The following CLEC16A variants were observed in gnomAD, a reference collection of about 807,000 sequenced individuals.
CLEC16A encodes C-type lectin domain containing 16A.
CLEC16A carries 51 observed loss-of-function variants against 109.5 expected under a neutral mutation model. The ratio of observed to expected loss-of-function variants is 0.47; its 90% CI spans 0.37 to 0.59. The LOEUF (loss-of-function observed/expected upper bound fraction) is 0.59. CLEC16A is among the 20% of genes least tolerant of loss of function. CLEC16A has a pLI of 0.00. For missense variants in CLEC16A, 1,339 were observed against 1,394.0 expected, an observed-to-expected ratio of 0.96 and a Z score of 0.63; for synonymous variants, 673 against 564.2, an observed-to-expected ratio of 1.19 and a Z score of -2.73.
chr16:11,143,860 C>T (rs1237223313), intron 22 of CLEC16A, among the ~76,000 whole-genome samples: 1 of 152,190 alleles, frequency 6.6e-6, no homozygotes, highest in Non-Finnish European at 1.5e-5. Context: ...TGGAGTTGCA[C>T]AGCTAGTGCA....
At chr16:10,955,402 G>T (rs1435314446) in intron 1 of CLEC16A, among the ~76,000 whole-genome samples, 1 of 152,194 alleles carries the variant, frequency 6.6e-6, no homozygotes, top group East Asian at 1.9e-4. Flanking sequence ...ATGGGAGGCA[G>T]ATCTTTGCAA....
intron 20 of CLEC16A, among the ~76,000 whole-genome samples, chr16:11,122,046 G>A (rs1433200293): frequency 1.3e-5 from 2 of 152,104 alleles, no homozygotes; most frequent in African/African-American, 2.4e-5. Context: ...CTTCAGGCCT[G>A]AACTTTGCCC....
chr16:11,064,647 G>C (rs1215653817), intron 19 of CLEC16A, among the ~76,000 whole-genome samples: 2 of 152,164 alleles, frequency 1.3e-5, no homozygotes, highest in African/African-American at 4.8e-5. Context: ...TGTGGTGGCA[G>C]ATACCTGTAG....
chr16:11,022,289 C>G (rs1206504712), intron 12 of CLEC16A, among the ~76,000 whole-genome samples: 2 of 150,974 alleles, frequency 1.3e-5, no homozygotes, highest in Admixed American at 1.3e-4. Context: ...TCTGTCCCCC[C>G]AACTTGAGCA....
chr16:11,148,168 G>T (rs974003963), intron 22 of CLEC16A, among the ~76,000 whole-genome samples: 1 of 152,222 alleles, frequency 6.6e-6, no homozygotes, highest in African/African-American at 2.4e-5. Flanking sequence ...GCGGTGAGTA[G>T]TTCGTGTTGT....
At chr16:11,175,512 A>C (rs963810821) in intron 23 of CLEC16A, among the ~76,000 whole-genome samples, 1 of 152,154 alleles carries the variant, frequency 6.6e-6, no homozygotes, top group African/African-American at 2.4e-5. Context: ...TCACTGGGTA[A>C]TTTTCCCCCC....
intron 13 of CLEC16A, chr16:11,026,937 A>G: frequency 8.8e-7 from 1 of 1,141,090 alleles, no homozygotes; most frequent in East Asian, 2.3e-5. Flanking sequence ...GCTAGAACAG[A>G]CGTCTCTATG....
Position 11,138,093 on chromosome 16 carries a change from TA to T in CLEC16A, c.2641+11950del, listed in dbSNP as rs554016238. ...GGGTAGGGAAAGAATTGGCATTTTTTAAAGGAACTTTTACAATTCCAAGGAA... is the reference window on the plus strand; with the variant it reads ...GGGTAGGGAAAGAATTGGCATTTTTTAAGGAACTTTTACAATTCCAAGGAA... On this transcript the variant is annotated intron_variant, in intron 22 of 23. Coordinates refer to ENST00000409790, the MANE Select transcript of CLEC16A (RefSeq NM_015226.3). 1.5e-4 allele frequency among the ~76,000 whole-genome samples: 23 copies of T among 152,244 alleles called. No homozygotes were observed. The South Asian group carries it at 4.8e-3, about 32-fold the overall frequency.
chr16:11,143,263 G>A lies in CLEC16A; in HGVS notation c.2641+17117G>A, dbSNP rs138201561. Among the ~76,000 whole-genome samples the A allele has an allele frequency of 2.0e-3, 305 of 152,318 alleles. 1 individual carries two copies. The highest frequency in any genetic ancestry group is 7.1e-3 in the African/African-American group (297 of 41,564). ...GCATTTATAATACAGAGCCTGGCTG[G>A]TCTAGTAGGGATGGGGAAGACATCT... On this transcript the variant is annotated intron_variant, in intron 22 of 23. Transcript: ENST00000409790.
chr16:11,004,660 T>G (rs1305365516), intron 11 of CLEC16A, among the ~76,000 whole-genome samples: 3 of 152,184 alleles, frequency 2.0e-5, no homozygotes, highest in Non-Finnish European at 4.4e-5. Flanking sequence ...AGCCAAAGAA[T>G]GCCTCCGCCA....
chr16:11,150,467 T>A (rs2054250263), intron 22 of CLEC16A: 1 of 152,348 alleles, frequency 6.6e-6, no homozygotes, highest in African/African-American at 2.4e-5. Context: ...GTCATCCTAG[T>A]CTTTTTCTAT....
intron 10 of CLEC16A, among the ~76,000 whole-genome samples, chr16:10,995,249 C>T (rs1171126764): frequency 2.6e-5 from 4 of 152,204 alleles, no homozygotes; most frequent in Non-Finnish European, 5.9e-5. Flanking sequence ...CCATTGATGG[C>T]TGTGGCAACT....
chr16:11,026,663 T>G (rs2046420485), intron 13 of CLEC16A, among the ~76,000 whole-genome samples: 2 of 129,364 alleles, frequency 1.5e-5, no homozygotes, highest in Admixed American at 7.4e-5. Context: ...TTTTTTTTTT[T>G]GCCTTCTGCT....
intron 11 of CLEC16A, among the ~76,000 whole-genome samples, chr16:11,007,713 G>A (rs537170098): frequency 2.0e-5 from 3 of 152,180 alleles, no homozygotes; most frequent in Non-Finnish European, 4.4e-5. Flanking sequence ...CACCAAGCAC[G>A]TTTCTGTGGG....
chr16:11,139,322 C>T (rs16958089), intron 22 of CLEC16A, among the ~76,000 whole-genome samples: 22,891 of 152,222 alleles, frequency 0.15, 2,158 homozygotes, highest in African/African-American at 0.27. Flanking sequence ...GCTGAGGTTA[C>T]AGCTTTCTAC....
At chr16:10,948,946 C>T (rs982736139) in intron 1 of CLEC16A, among the ~76,000 whole-genome samples, 1 of 152,136 alleles carries the variant, frequency 6.6e-6, no homozygotes, top group African/African-American at 2.4e-5. Flanking sequence ...TATCCCTGGA[C>T]CAGCAAGGTC....
At chr16:11,120,903 AT>A in intron 20 of CLEC16A, 137 bp downstream of exon 20, 1 of 950,784 alleles carries the variant, frequency 1.1e-6, no homozygotes, top group Non-Finnish European at 1.4e-6. Context: ...ATGTGAACAA[AT>A]TGTCACCCAA....
chr16:11,160,600 A>AGCCC (rs74939829), intron 22 of CLEC16A, among the ~76,000 whole-genome samples: 3,904 of 152,320 alleles, frequency 0.026, 79 homozygotes, highest in Middle Eastern at 0.041. Context: ...TCTGGGAGCC[A>AGCCC]GCCCGTCCCT....
chr16:10,970,303 C>T (rs1277588761), intron 4 of CLEC16A, among the ~76,000 whole-genome samples: 3 of 152,186 alleles, frequency 2.0e-5, no homozygotes, highest in African/African-American at 7.2e-5. Context: ...TTTTAACTTC[C>T]AAAGAAAACT....
Sources: gnomAD v4.1 joint callset for allele counts (sites outside exome capture counted in the v4.1 genomes callset) on GRCh38, gnomAD v4.1.1 for gene constraint, MANE v1.5 for transcripts, NCBI Gene and HGNC (gene_info 2026-07-23, HGNC 2026-07-21) for gene names.